The following THSD4 variants were observed in gnomAD, a reference collection of about 807,000 sequenced individuals.
THSD4 encodes thrombospondin type-1 domain-containing protein 4.
THSD4 carries 69 observed loss-of-function variants against 119.0 expected under a neutral mutation model. The ratio of observed to expected loss-of-function variants is 0.58; its 90% CI spans 0.48 to 0.71. The LOEUF (loss-of-function observed/expected upper bound fraction) is 0.71, where lower values mean the gene tolerates loss of function less well. THSD4 is among the 30% of genes least tolerant of loss of function. The pLI, the probability that THSD4 is intolerant of heterozygous loss-of-function variation, is 0.00. For missense variants in THSD4, 1,393 were observed against 1,391.1 expected (o/e 1.00, Z -0.02); for synonymous variants, 524 against 540.4 (o/e 0.97, Z 0.42).
At chr15:71,742,576 A>G (rs908614793) in intron 11 of THSD4, among the ~76,000 whole-genome samples, 1 of 152,190 alleles carries the variant, frequency 6.6e-6, no homozygotes, top group African/African-American at 2.4e-5. Flanking sequence ...GATCTCGAAT[A>G]GTTTTCCTGC....
intron 6 of THSD4, among the ~76,000 whole-genome samples, chr15:71,377,867 AACACACACACACAC>A (rs376497737): frequency 1.0e-4 from 9 of 86,340 alleles, no homozygotes; most frequent in Admixed American, 2.9e-4. Flanking sequence ...ACATATCCAC[AACACACACACACAC>A]ACACACACAC....
At chr15:71,770,973 A>G in intron 16 of THSD4, 91 bp from the exon 17 acceptor site, 1 of 1,528,764 alleles carries the variant, frequency 6.5e-7, no homozygotes, top group Non-Finnish European at 8.8e-7. Context: ...CCTTTTGGAA[A>G]TGTTTGAGAT....
At chr15:71,280,100 C>T (rs2044634448) in intron 6 of THSD4, among the ~76,000 whole-genome samples, 1 of 152,160 alleles carries the variant, frequency 6.6e-6, no homozygotes, top group African/African-American at 2.4e-5. Context: ...GCAAGTGGGA[C>T]TGGGCGTGTG....
chr15:71,357,866 A>G (rs1055179247), intron 6 of THSD4, among the ~76,000 whole-genome samples: 1 of 152,316 alleles, frequency 6.6e-6, no homozygotes, highest in East Asian at 1.9e-4. Flanking sequence ...TTCCCTTCAC[A>G]CTACCAACTG....
intron 7 of THSD4, among the ~76,000 whole-genome samples, chr15:71,499,355 A>G (rs2048075693): frequency 6.6e-6 from 1 of 152,124 alleles, no homozygotes; most frequent in Non-Finnish European, 1.5e-5. Flanking sequence ...TGAGTTTTTG[A>G]AGCACATATT....
intron 17 of THSD4, among the ~76,000 whole-genome samples, chr15:71,773,216 G>A (rs5026353): frequency 0.43 from 26,382 of 60,740 alleles, 3,957 homozygotes; most frequent in African/African-American, 0.61. Flanking sequence ...AAAAAAAAAA[G>A]AAAAAGAAAA....
intron 8 of THSD4, among the ~76,000 whole-genome samples, chr15:71,681,606 T>G (rs1595858990): frequency 1.5e-5 from 2 of 137,560 alleles, no homozygotes; most frequent in South Asian, 2.3e-4. Flanking sequence ...ACCGGGGGGG[T>G]GGAGGTTGCA....
intron 6 of THSD4, among the ~76,000 whole-genome samples, chr15:71,377,058 G>A (rs62015548): frequency 0.16 from 24,723 of 152,196 alleles, 2,254 homozygotes; most frequent in Admixed American, 0.24. Flanking sequence ...GGCACTGATT[G>A]TGGGAAGAGG....
intron 7 of THSD4, among the ~76,000 whole-genome samples, chr15:71,454,113 C>A (rs2047304319): frequency 6.6e-6 from 1 of 151,976 alleles, no homozygotes; most frequent in Non-Finnish European, 1.5e-5. Context: ...AAAAATTAGC[C>A]AGGTGTGGTG....
chr15:71,344,262 C>G (rs952741644), intron 6 of THSD4, among the ~76,000 whole-genome samples: 1 of 152,004 alleles, frequency 6.6e-6, no homozygotes, highest in Non-Finnish European at 1.5e-5. Context: ...TCAGTATGGT[C>G]TCGATCTCCT....
chr15:71,655,173 A>G (rs144901010), intron 7 of THSD4, among the ~76,000 whole-genome samples: 2 of 152,220 alleles, frequency 1.3e-5, no homozygotes, highest in African/African-American at 2.4e-5. Flanking sequence ...ACAGCAAGAA[A>G]TATCTATTCT....
rs56285619 is a variant in THSD4 at position 71,492,433 on chromosome 15, TTTG to T, written c.1152+80628_1152+80630del. On this transcript the variant is annotated intron_variant, in intron 7 of 17. Transcript: ENST00000261862. ...GTGCGCACCACCATGCCCATCTATT[TTTG>T]TTGTTGTTGTTGTTGTTTTTGTATT... Among the ~76,000 whole-genome samples, 24 of 150,900 alleles carry T rather than the reference TTTG, an allele frequency of 1.6e-4. No homozygotes were observed. In the East Asian group the frequency reaches 4.5e-3, roughly 28 times the overall value.
At chr15:71,294,517 C>G (rs918638310) in intron 6 of THSD4, among the ~76,000 whole-genome samples, 1 of 152,116 alleles carries the variant, frequency 6.6e-6, no homozygotes, top group Non-Finnish European at 1.5e-5. Context: ...CACATTTTTC[C>G]TTTTAAGAAA....
chr15:71,698,993 C>T (rs867733100), intron 8 of THSD4, among the ~76,000 whole-genome samples: 20 of 151,976 alleles, frequency 1.3e-4, no homozygotes, highest in South Asian at 1.0e-3. Context: ...TAGAGCTCTA[C>T]GATACAGTAT....
At chr15:71,314,762 G>A (rs2045163184) in intron 6 of THSD4, among the ~76,000 whole-genome samples, 1 of 152,096 alleles carries the variant, frequency 6.6e-6, no homozygotes, top group Admixed American at 6.5e-5. Context: ...TAGATATTTT[G>A]GATGCTAAAT....
intron 6 of THSD4, among the ~76,000 whole-genome samples, chr15:71,407,180 C>A (rs2046620392): frequency 6.6e-6 from 1 of 152,188 alleles, no homozygotes; most frequent in Non-Finnish European, 1.5e-5. Flanking sequence ...GCACTGATAA[C>A]CATTCTGGAA....
At chr15:71,738,274 T>C in intron 11 of THSD4, 1 of 407,240 alleles carries the variant, frequency 2.5e-6, no homozygotes, top group Non-Finnish European at 4.4e-6. Context: ...CACGCTCCTA[T>C]GAGAATGTAA....
At chr15:71,266,993 T>G (rs1277288393) in intron 6 of THSD4, among the ~76,000 whole-genome samples, 1 of 152,150 alleles carries the variant, frequency 6.6e-6, no homozygotes, top group Non-Finnish European at 1.5e-5. Flanking sequence ...TTGATTGGTG[T>G]ACCTGAAAGT....
chr15:71,660,716 A>C lies in THSD4; in HGVS notation c.1339A>C (p.Lys447Gln). ...ATKINITEMY[K>Q]SNNYLALRSR... ...GAAAATCAACATCACGGAGATGTAC[A>C]AGAGCAACAACTATTTGGGTAAGCT... The change falls in exon 8 of 18, where the codon AAG (lysine) becomes CAG (glutamine). Residue 447 changes from lysine to glutamine, a missense_variant. Transcript: ENST00000261862. The C allele has an allele frequency of 6.2e-7, 1 of 1,614,154 alleles. No homozygotes were observed. The highest frequency in any genetic ancestry group is 8.5e-7 in the Non-Finnish European group (1 of 1,180,010).
Sources: gnomAD v4.1 joint callset for allele counts (sites outside exome capture counted in the v4.1 genomes callset) on GRCh38, gnomAD v4.1.1 for gene constraint, MANE v1.5 for transcripts, NCBI Gene and HGNC (gene_info 2026-07-23, HGNC 2026-07-21) for gene names.